PLCB1: variants seen among roughly 807,000 people sequenced by gnomAD.
PLCB1 encodes 1-phosphatidylinositol 4,5-bisphosphate phosphodiesterase beta-1.
PLCB1 carries 46 observed loss-of-function variants against 161.8 expected under a neutral mutation model. The observed-to-expected ratio is 0.28, with a 90% CI of 0.22 to 0.36. The LOEUF (loss-of-function observed/expected upper bound fraction) is 0.36. PLCB1 is among the 10% of genes least tolerant of loss of function. The pLI is 1.00. For synonymous variants in PLCB1, 517 were observed against 503.7 expected, an observed-to-expected ratio of 1.03 and a Z score of -0.35; for missense variants, 1,016 against 1,472.5, an observed-to-expected ratio of 0.69 and a Z score of 5.07.
intron 10 of PLCB1, among the ~76,000 whole-genome samples, chr20:8,692,116 A>T (rs1427056866): frequency 2.0e-5 from 3 of 152,188 alleles, no homozygotes; most frequent in African/African-American, 7.2e-5. Context: ...GAAAGAAACC[A>T]TTAGATTTGA....
At chr20:8,708,782 CT>C in intron 12 of PLCB1, 30 bp downstream of exon 12, 1 of 1,360,046 alleles carries the variant, frequency 7.4e-7, no homozygotes, top group South Asian at 1.2e-5. Context: ...AGGAATGAGT[CT>C]TTTTCCCGAA....
Position 8,324,796 on chromosome 20 carries a change from GA to G in PLCB1, c.178-46578del, listed in dbSNP as rs539922372. 1.7e-4 allele frequency among the ~76,000 whole-genome samples: 26 copies of G among 152,076 alleles called. 1 individual carries two copies. The highest frequency in any genetic ancestry group is 4.3e-4 in the African/African-American group (18 of 41,516). On this transcript the variant is annotated intron_variant, in intron 2 of 31. Transcript: ENST00000338037. ...ATCAGCATCTCTACCTATTTCCAAAGAAAAAAAATTTACTTATGCTCAAATC... is the reference window on the plus strand; with the variant it reads ...ATCAGCATCTCTACCTATTTCCAAAGAAAAAAATTTACTTATGCTCAAATC...
intron 31 of PLCB1, among the ~76,000 whole-genome samples, chr20:8,850,006 C>T (rs1203879815): frequency 2.6e-5 from 4 of 151,960 alleles, no homozygotes; most frequent in Admixed American, 1.3e-4. Context: ...AGCAAGACTC[C>T]GTCTAAAAAT....
In PLCB1 at chr20:8,501,101, G is replaced by A. The variant is rs140426284; in HGVS notation, c.247-127193G>A. ...ATCATTTTTCGTTCTCATGCTGCCA[G>A]CTACACAAGAGGCACGCACTGTGGA... On this transcript the variant is annotated intron_variant, in intron 3 of 31. Transcript: ENST00000338037. Among the ~76,000 whole-genome samples, 491 of 152,260 alleles carry A rather than the reference G, an allele frequency of 3.2e-3. 3 individuals are homozygous for A. Among genetic ancestry groups the A allele is most frequent in the African/African-American group, 0.011 (468 of 41,544 alleles).
chr20:8,168,866 G>C (rs571401384), intron 2 of PLCB1, among the ~76,000 whole-genome samples: 9 of 151,960 alleles, frequency 5.9e-5, no homozygotes, highest in Non-Finnish European at 1.2e-4. Context: ...GCAGAAAAAT[G>C]ATGATGGGAA....
chr20:8,224,086 A>T (rs1298133512), intron 2 of PLCB1, among the ~76,000 whole-genome samples: 76 of 152,362 alleles, frequency 5.0e-4, no homozygotes, highest in African/African-American at 1.8e-3. Context: ...TTAATGTAAA[A>T]TAAACATGTA....
At chr20:8,561,388 T>C (rs535899920) in intron 3 of PLCB1, among the ~76,000 whole-genome samples, 2 of 152,076 alleles carry the variant, frequency 1.3e-5, no homozygotes, top group South Asian at 4.1e-4. Flanking sequence ...CACTCATTCT[T>C]TATCTGTTCT....
chr20:8,790,397 C>A, intron 31 of PLCB1, 136 bp downstream of exon 31: 1 of 605,364 alleles, frequency 1.7e-6, no homozygotes, highest in Non-Finnish European at 2.9e-6. Flanking sequence ...ATGTATCTTT[C>A]TCAATGAAGG....
At chr20:8,684,105 C>T (rs537700403) in intron 9 of PLCB1, among the ~76,000 whole-genome samples, 12 of 151,946 alleles carry the variant, frequency 7.9e-5, no homozygotes, top group African/African-American at 1.9e-4. Context: ...AGGATGGTCT[C>T]GATCTCCTGA....
rs1473888392 is a variant in PLCB1, at chr20:8,523,488, CTCTCTCTCTATA to C, written c.247-104804_247-104793del. Among the ~76,000 whole-genome samples, 6 of 59,376 alleles carry C rather than the reference CTCTCTCTCTATA, an allele frequency of 1.0e-4. 1 individual carries two copies. Among genetic ancestry groups the C allele is most frequent in the Admixed American group, 7.4e-4 (4 of 5,440 alleles). The allele number at this position is 59,376 out of a possible 152,430, so 39.0% of individuals were successfully genotyped here. ...TGGCTCTCTCTCTCTCTCTCTCTCTCTCTCTCTCTATATATATATATATATATATATATGGAG... is the reference window on the plus strand; with the variant it reads ...TGGCTCTCTCTCTCTCTCTCTCTCTCTATATATATATATATATATATGGAG... On this transcript the variant is annotated intron_variant, in intron 3 of 31. Coordinates refer to ENST00000338037, the MANE Select transcript of PLCB1 (RefSeq NM_015192.4).
At chr20:8,381,821 G>T (rs969723279) in intron 3 of PLCB1, among the ~76,000 whole-genome samples, 1 of 152,046 alleles carries the variant, frequency 6.6e-6, no homozygotes, top group African/African-American at 2.4e-5. Flanking sequence ...GTGTCCATTT[G>T]ATTCTTCTCT....
chr20:8,534,412 C>T (rs1428346266), intron 3 of PLCB1, among the ~76,000 whole-genome samples: 3 of 152,204 alleles, frequency 2.0e-5, no homozygotes, highest in Non-Finnish European at 2.9e-5. Context: ...GTCAATTCCT[C>T]CAGCCACTAC....
In PLCB1 at chr20:8,433,501, A is replaced by AT. The variant is rs1246524695; in HGVS notation, c.246+62054dup. 1.4e-4 allele frequency among the ~76,000 whole-genome samples: 18 copies of AT among 127,682 alleles called. 1 individual carries two copies. Among genetic ancestry groups the AT allele is most frequent in the African/African-American group, 5.7e-4 (18 of 31,756 alleles). The allele number at this position is 127,682 out of a possible 152,430, so 83.8% of individuals were successfully genotyped here. ...AAGTAAAGCCCCTGCTGTGGAGTGAATTTGCTTATGTCACACTCTATCTGA... is the reference window on the plus strand; with the variant it reads ...AAGTAAAGCCCCTGCTGTGGAGTGAATTTTGCTTATGTCACACTCTATCTGA... On this transcript the variant is annotated intron_variant, in intron 3 of 31. Coordinates refer to ENST00000338037, the MANE Select transcript of PLCB1 (RefSeq NM_015192.4).
In PLCB1 at chr20:8,417,082, T is replaced by A. The variant is rs1345201584; in HGVS notation, c.246+45632T>A. 2.0e-3 allele frequency among the ~76,000 whole-genome samples: 144 copies of A among 71,516 alleles called. 3 individuals are homozygous for A. The highest frequency in any genetic ancestry group is 4.2e-3 in the African/African-American group (80 of 19,182). The allele number at this position is 71,516 out of a possible 152,430, so 46.9% of individuals were successfully genotyped here. A position where few individuals can be genotyped will look rare whatever the true frequency, so the allele number is the denominator to read the frequency against. The stretch of plus-strand genomic sequence containing the variant: ...ATATATATATATATATATTTTTTTT[T>A]TTTTTTTTTTTTTTTTTTTTTTGAG... On this transcript the variant is annotated intron_variant, in intron 3 of 31. Coordinates refer to ENST00000338037, the MANE Select transcript of PLCB1 (RefSeq NM_015192.4).
intron 31 of PLCB1, among the ~76,000 whole-genome samples, chr20:8,879,726 G>A (rs1987905650): frequency 6.6e-6 from 1 of 152,198 alleles, no homozygotes; most frequent in Non-Finnish European, 1.5e-5. Context: ...AGAAGTGAGA[G>A]TGAAAGGAGT....
Position 8,830,431 on chromosome 20 carries a change from T to C in PLCB1, c.3423+40170T>C, listed in dbSNP as rs933497239. On this transcript the variant is annotated intron_variant, in intron 31 of 31. Coordinates refer to ENST00000338037, the MANE Select transcript of PLCB1 (RefSeq NM_015192.4). ...CTTTGCATGTGATGTGGAAAATGAATTGGAGAGGGGAACCAGGAAACCTGT... is the reference window on the plus strand; with the variant it reads ...CTTTGCATGTGATGTGGAAAATGAACTGGAGAGGGGAACCAGGAAACCTGT... Among the ~76,000 whole-genome samples, 9 of 152,298 alleles carry C rather than the reference T, an allele frequency of 5.9e-5. No homozygotes were observed. In the South Asian group the frequency reaches 1.7e-3, roughly 28 times the overall value.
chr20:8,498,883 ATT>A (rs747100482), intron 3 of PLCB1, among the ~76,000 whole-genome samples: 2 of 152,160 alleles, frequency 1.3e-5, no homozygotes, highest in Admixed American at 6.5e-5. Flanking sequence ...GAGATGGCTT[ATT>A]TCTGTGTCAC....
chr20:8,280,026 G>A (rs1160411149), intron 2 of PLCB1, among the ~76,000 whole-genome samples: 2 of 152,130 alleles, frequency 1.3e-5, no homozygotes, highest in Non-Finnish European at 2.9e-5. Flanking sequence ...ACATATGTGT[G>A]TTACATATCA....
At chr20:8,184,589 C>T (rs2051880232) in intron 2 of PLCB1, among the ~76,000 whole-genome samples, 1 of 151,636 alleles carries the variant, frequency 6.6e-6, no homozygotes, top group East Asian at 1.9e-4. Flanking sequence ...TGAAATTCTT[C>T]AAACTTAATT....
Sources: gnomAD v4.1 joint callset for allele counts (sites outside exome capture counted in the v4.1 genomes callset) on GRCh38, gnomAD v4.1.1 for gene constraint, MANE v1.5 for transcripts, NCBI Gene and HGNC (gene_info 2026-07-23, HGNC 2026-07-21) for gene names.